CUL5: variants seen among roughly 807,000 people sequenced by gnomAD.
CUL5 encodes cullin-5.
In CUL5, 26 loss-of-function variants were observed where a neutral mutation model predicts 108.8. The ratio of observed to expected loss-of-function variants is 0.24; its 90% CI spans 0.18 to 0.33. The LOEUF is 0.33. CUL5 is among the 10% of genes least tolerant of loss of function. The pLI is 1.00. For missense variants in CUL5, 524 were observed against 909.2 expected, an observed-to-expected ratio of 0.58 and a Z score of 5.45; for synonymous variants, 334 against 298.0, an observed-to-expected ratio of 1.12 and a Z score of -1.25.
chr11:108,056,553 A>G (rs1356045811), intron 7 of CUL5, among the ~76,000 whole-genome samples: 2 of 152,130 alleles, frequency 1.3e-5, no homozygotes, highest in African/African-American at 4.8e-5. Flanking sequence ...TTTAGTGGTT[A>G]TTTATAGAAG....
intron 11 of CUL5, among the ~76,000 whole-genome samples, chr11:108,083,117 C>CG (rs577295887): frequency 6.0e-4 from 91 of 152,238 alleles, no homozygotes; most frequent in African/African-American, 2.1e-3. Flanking sequence ...TTGCTCTGAC[C>CG]GGAACGTCTA....
intron 7 of CUL5, among the ~76,000 whole-genome samples, chr11:108,061,563 T>A (rs933509646): frequency 1.3e-5 from 2 of 152,228 alleles, no homozygotes; most frequent in African/African-American, 4.8e-5. Flanking sequence ...ATTCAACAGT[T>A]ATCATTATTT....
chr11:108,061,508 G>C (rs189058446), intron 7 of CUL5, among the ~76,000 whole-genome samples: 1 of 152,028 alleles, frequency 6.6e-6, no homozygotes, highest in Admixed American at 6.5e-5. Context: ...TACACAAGTA[G>C]AGAAAATACT....
intron 7 of CUL5, among the ~76,000 whole-genome samples, chr11:108,068,557 A>T (rs1056673164): frequency 1.4e-4 from 21 of 152,202 alleles, no homozygotes; most frequent in Non-Finnish European, 2.4e-4. Flanking sequence ...AGTAGTTACC[A>T]ACATTATGTC....
At chr11:108,031,186 G>C (rs1862572143) in intron 1 of CUL5, among the ~76,000 whole-genome samples, 1 of 151,872 alleles carries the variant, frequency 6.6e-6, no homozygotes, top group East Asian at 1.9e-4. Flanking sequence ...TGGGCAACAT[G>C]GCGAAACCCC....
rs1864728243 is a variant in CUL5 at position 108,103,864 on chromosome 11, T to A, written c.2149-326T>A. 3.9e-5 allele frequency among the ~76,000 whole-genome samples: 6 copies of A among 152,278 alleles called. No individual in the cohort carries two copies. The South Asian group carries it at 1.2e-3, about 32-fold the overall frequency. On this transcript the variant is annotated intron_variant, in intron 18 of 18. Coordinates refer to ENST00000393094, the MANE Select transcript of CUL5 (RefSeq NM_003478.6). ...GGGATACATATGCAGAATGTGCAGG[T>A]TTGTTACATGGGTATACACGTGTCA...
chr11:108,034,031 T>A, intron 2 of CUL5, 120 bp downstream of exon 2: 1 of 649,604 alleles, frequency 1.5e-6, no homozygotes, highest in Non-Finnish European at 2.7e-6. Flanking sequence ...GTATTACTAG[T>A]TACATTGAGG....
chr11:108,054,815 T>TG, intron 6 of CUL5, 23 bp downstream of exon 6: 6 of 1,603,532 alleles, frequency 3.7e-6, no homozygotes, highest in Non-Finnish European at 5.1e-6. Flanking sequence ...TTAGTATATG[T>TG]GATAATTTGA....
chr11:108,104,227 T>C lies in CUL5; in HGVS notation c.2186T>C (p.Ile729Thr). ...CAAATAATGAAAATGAGAAAGAAAA[T>C]TAGTAATGCTCAGCTGCAGACTGAA... ...IIQIMKMRKK[I>T]SNAQLQTELV... is the part of the protein sequence containing the mutation. The change falls in exon 19 of 19, where the codon ATT (isoleucine) becomes ACT (threonine). Residue 729 changes from isoleucine (I) to threonine (T), a missense_variant. Physicochemically the swap from Ile to Thr is moderately conservative, Grantham distance 89 (BLOSUM62 -1). Transcript: ENST00000393094. 1 of 1,585,636 alleles carries C rather than the reference T, an allele frequency of 6.3e-7. No homozygotes were observed. The highest frequency in any genetic ancestry group is 8.5e-7 in the Non-Finnish European group (1 of 1,171,480).
intron 14 of CUL5, 95 bp from the exon 15 acceptor site, chr11:108,094,717 A>G (rs907534971): frequency 9.9e-7 from 1 of 1,010,944 alleles, no homozygotes; most frequent in Non-Finnish European, 1.4e-6. Context: ...AAATCTTTAT[A>G]GTCTTATTGA....
Position 108,070,109 on chromosome 11 carries a change from G to A in CUL5, c.794G>A (p.Cys265Tyr). 1 of 1,609,456 alleles carries A rather than the reference G, an allele frequency of 6.2e-7. No individual in the cohort carries two copies. The highest frequency in any genetic ancestry group is 8.5e-7 in the Non-Finnish European group (1 of 1,176,880). ...GATATATTTCAGCTCATGGAATGCT[G>A]TGTAAATGCCCTGGTGACATCATTT... ...CNSVEALMECCVNALVTSFKE... is the reference protein window; with the variant it reads ...CNSVEALMECYVNALVTSFKE... The change falls in exon 8 of 19, where the codon TGT becomes TAT. Residue 265 changes from cysteine to tyrosine, a missense_variant. This residue lies in a region of CUL5 where 170 missense variants were observed against 305.1 expected (regional missense o/e 0.56). Coordinates refer to ENST00000393094, the MANE Select transcript of CUL5 (RefSeq NM_003478.6).
intron 7 of CUL5, among the ~76,000 whole-genome samples, chr11:108,057,280 G>C (rs771504172): frequency 6.6e-6 from 1 of 151,970 alleles, no homozygotes; most frequent in South Asian, 2.1e-4. Context: ...CTCCCACCTC[G>C]ACCTCCCAGA....
intron 1 of CUL5, among the ~76,000 whole-genome samples, chr11:108,026,584 C>G (rs554191025): frequency 6.6e-6 from 1 of 152,260 alleles, no homozygotes; most frequent in South Asian, 2.1e-4. Flanking sequence ...TCCCTCTTGC[C>G]TATCCAGTGC....
chr11:108,031,404 G>T (rs1386033767), intron 1 of CUL5, among the ~76,000 whole-genome samples: 1 of 151,818 alleles, frequency 6.6e-6, no homozygotes, highest in Non-Finnish European at 1.5e-5. Flanking sequence ...AGGGTGTTTG[G>T]TGCTGGTGTA....
intron 1 of CUL5, among the ~76,000 whole-genome samples, chr11:108,022,490 C>T (rs575213201): frequency 4.0e-5 from 6 of 151,776 alleles, no homozygotes; most frequent in African/African-American, 1.4e-4. Context: ...TGAAAATGCA[C>T]TCCTAAATTT....
chr11:108,019,280 T>C (rs1020371775), intron 1 of CUL5, among the ~76,000 whole-genome samples: 18 of 152,264 alleles, frequency 1.2e-4, no homozygotes, highest in Admixed American at 1.2e-3. Flanking sequence ...TTTGATTCTT[T>C]TGGTTAGTGG....
At chr11:108,010,615 G>A (rs1862037518) in intron 1 of CUL5, among the ~76,000 whole-genome samples, 1 of 152,208 alleles carries the variant, frequency 6.6e-6, no homozygotes, top group Non-Finnish European at 1.5e-5. Context: ...ACATTGTGAA[G>A]ATTAAATTAG....
chr11:108,017,389 C>CAAAAAA (rs71840119), intron 1 of CUL5, among the ~76,000 whole-genome samples: 2 of 102,950 alleles, frequency 1.9e-5, no homozygotes, highest in Non-Finnish European at 3.6e-5. Context: ...GACCCTGTCT[C>CAAAAAA]AAAAAAAAAA....
intron 1 of CUL5, among the ~76,000 whole-genome samples, chr11:108,015,361 A>G (rs1221565094): frequency 6.6e-6 from 1 of 152,222 alleles, no homozygotes; most frequent in Non-Finnish European, 1.5e-5. Context: ...GGCAAGGAAT[A>G]TGGATGTGAT....
Sources: gnomAD v4.1 joint callset for allele counts (sites outside exome capture counted in the v4.1 genomes callset) on GRCh38, gnomAD v4.1.1 for gene constraint, gnomAD v4.1.1 regional missense constraint, MANE v1.5 for transcripts, NCBI Gene and HGNC (gene_info 2026-07-23, HGNC 2026-07-21) for gene names.